The following RANBP2 variants were observed in gnomAD, a reference collection of about 807,000 sequenced individuals.
RANBP2 encodes E3 SUMO-protein ligase RanBP2.
Under a neutral mutation model 303.6 loss-of-function variants are expected in RANBP2, and 57 were observed. That is an observed-to-expected ratio of 0.19 (90% confidence interval 0.15 to 0.23). The LOEUF (loss-of-function observed/expected upper bound fraction) is 0.23. Among genes scored for constraint, RANBP2 ranks in the 10% least tolerant of loss-of-function variants. The probability of loss-of-function intolerance (pLI) is 1.00; values close to 1 mark genes in which losing one functional copy is unlikely to be tolerated. For synonymous variants in RANBP2, 1,167 were observed against 1,301.5 expected, an observed-to-expected ratio of 0.90 and a Z score of 2.23; for missense variants, 3,138 against 3,780.8, an observed-to-expected ratio of 0.83 and a Z score of 4.46.
At chr2:108,976,164 C>T in the RANBP2 span, among the ~76,000 whole-genome samples, 2 of 152,320 alleles carry the variant, frequency 1.3e-5, no homozygotes, top group Admixed American at 6.5e-5. Context: ...TCCCACTTTA[C>T]ATTTAATCAT....
the RANBP2 span, among the ~76,000 whole-genome samples, chr2:109,448,409 G>A: frequency 2.0e-5 from 3 of 152,202 alleles, no homozygotes; most frequent in Admixed American, 2.0e-4. Flanking sequence ...GTTGTGAGTG[G>A]TGGGTGAGCA....
the RANBP2 span, among the ~76,000 whole-genome samples, chr2:109,713,590 G>A: frequency 6.6e-6 from 1 of 152,208 alleles, no homozygotes; most frequent in African/African-American, 2.4e-5. Context: ...TGTTTGGTAA[G>A]CTGTGAGAAT....
chr2:108,934,913 G>C, the RANBP2 span, among the ~76,000 whole-genome samples: 3 of 152,212 alleles, frequency 2.0e-5, no homozygotes, highest in African/African-American at 7.2e-5. Context: ...AGGCAGACAA[G>C]GCTGCTGCTT....
chr2:109,433,469 A>G, the RANBP2 span, among the ~76,000 whole-genome samples: 4 of 152,352 alleles, frequency 2.6e-5, no homozygotes, highest in South Asian at 8.3e-4. Context: ...GCTTGGTGAT[A>G]TCAGTCAGCC....
At chr2:109,415,530 C>T in the RANBP2 span, among the ~76,000 whole-genome samples, 3 of 152,256 alleles carry the variant, frequency 2.0e-5, no homozygotes, top group East Asian at 5.8e-4. Flanking sequence ...CTCCTGACTC[C>T]CTTGCCCTCT....
the RANBP2 span, among the ~76,000 whole-genome samples, chr2:108,984,048 T>C: frequency 6.6e-6 from 1 of 152,254 alleles, no homozygotes; most frequent in Non-Finnish European, 1.5e-5. Flanking sequence ...TGAGTCTTGA[T>C]AATCTACTTT....
At chr2:109,443,136 G>A in the RANBP2 span, among the ~76,000 whole-genome samples, 25 of 152,372 alleles carry the variant, frequency 1.6e-4, no homozygotes, top group East Asian at 1.9e-3. Context: ...TGTGGCATGC[G>A]TGCATGGGTG....
At chr2:109,503,636 G>C in the RANBP2 span, 5 of 152,248 alleles carry the variant, frequency 3.3e-5, no homozygotes, top group East Asian at 9.6e-4. Context: ...TTAAATTCAC[G>C]TTGTCACCAA....
At chr2:109,203,952 A>G in the RANBP2 span, among the ~76,000 whole-genome samples, 3 of 152,326 alleles carry the variant, frequency 2.0e-5, no homozygotes, top group Admixed American at 6.5e-5. Flanking sequence ...CCAGCAGAGC[A>G]TCTGCACGGT....
the RANBP2 span, chr2:108,912,776 AT>A: frequency 6.3e-7 from 1 of 1,579,046 alleles, no homozygotes; most frequent in Non-Finnish European, 8.6e-7. Context: ...TGCAAGGAAA[AT>A]AGAGTCCCTC....
the RANBP2 span, among the ~76,000 whole-genome samples, chr2:109,297,542 C>A: frequency 6.6e-6 from 1 of 151,714 alleles, no homozygotes; most frequent in African/African-American, 2.4e-5. Context: ...AGGCCAGTGC[C>A]CCCCACCCAA....
the RANBP2 span, among the ~76,000 whole-genome samples, chr2:109,040,539 A>G: frequency 2.0e-5 from 3 of 152,222 alleles, no homozygotes; most frequent in African/African-American, 7.2e-5. Flanking sequence ...TTAAATCTAG[A>G]TTAATTTAAG....
At chr2:109,046,302 TA>T in the RANBP2 span, among the ~76,000 whole-genome samples, 593 of 124,216 alleles carry the variant, frequency 4.8e-3, 1 homozygote, top group African/African-American at 0.012. Flanking sequence ...AGACTCTGTC[TA>T]AAAAAAAAAA....
chr2:109,411,850 A>G, the RANBP2 span, among the ~76,000 whole-genome samples: 1 of 152,222 alleles, frequency 6.6e-6, no homozygotes, highest in African/African-American at 2.4e-5. Flanking sequence ...GTAATAGCTT[A>G]CTGTTAAATC....
chr2:109,197,903 C>A, the RANBP2 span, among the ~76,000 whole-genome samples: 69 of 152,344 alleles, frequency 4.5e-4, no homozygotes, highest in African/African-American at 1.6e-3. Flanking sequence ...TGCATCAAAT[C>A]CCACAGAGTA....
At chr2:109,557,851 C>CT in the RANBP2 span, among the ~76,000 whole-genome samples, 10,059 of 140,718 alleles carry the variant, frequency 0.071, 772 homozygotes, top group East Asian at 0.24. Flanking sequence ...TCATAATTTT[C>CT]TTTTTTTTTT....
chr2:109,424,531 G>T, the RANBP2 span, among the ~76,000 whole-genome samples: 4 of 152,298 alleles, frequency 2.6e-5, no homozygotes, highest in African/African-American at 9.6e-5. Context: ...CAAGTCTAGT[G>T]GTGCCATTTT....
At chr2:108,874,715 T>C in the RANBP2 span, among the ~76,000 whole-genome samples, 1 of 152,162 alleles carries the variant, frequency 6.6e-6, no homozygotes, top group Non-Finnish European at 1.5e-5. Flanking sequence ...TAATAAATTA[T>C]TGTCAAATTA....
rs763558888 is a variant in RANBP2 at position 108,736,162 on chromosome 2, A to G, written c.695A>G (p.Asn232Ser). 2.5e-6 allele frequency: 4 copies of G among 1,611,944 alleles called. No homozygotes were observed. The highest frequency in any genetic ancestry group is 1.1e-5 in the South Asian group (1 of 90,986). Residue 232 changes from asparagine to serine, a missense_variant, in exon 6 of 29, where the codon AAT becomes AGT. Around this residue, in one of 20 missense-constraint regions of RANBP2, gnomAD observed 306 missense variants for 381.9 expected, o/e 0.80. Transcript: ENST00000283195. ...ESDKSDWRAT[N>S]TDLLLAYANL... ...GATAAAAGTGACTGGCGAGCAACCA[A>G]TACAGACTTACTGCTGGCCTATGCT...
Sources: allele counts gnomAD v4.1 joint callset (sites outside exome capture counted in the v4.1 genomes callset), GRCh38; gene constraint gnomAD v4.1.1; regional missense constraint gnomAD v4.1.1; transcripts MANE v1.5; gene names NCBI Gene and HGNC (gene_info 2026-07-23, HGNC 2026-07-21).